Variants in ERBB4 observed in about 807,000 individuals in gnomAD.
ERBB4 encodes receptor tyrosine-protein kinase erbB-4.
In ERBB4, 42 loss-of-function variants were observed where a neutral mutation model predicts 158.0. That is an observed-to-expected ratio of 0.27 (90% confidence interval 0.21 to 0.34). The LOEUF is 0.34. Ranked by LOEUF, ERBB4 falls within the 10% of genes least tolerant of loss-of-function variation. The pLI, the probability that ERBB4 is intolerant of heterozygous loss-of-function variation, is 1.00. For missense variants in ERBB4, 1,333 were observed against 1,624.1 expected (o/e 0.82, Z 3.08); for synonymous variants, 583 against 558.7 (o/e 1.04, Z -0.61).
chr2:211,808,251 T>C (rs1292972209), intron 3 of ERBB4, among the ~76,000 whole-genome samples: 4 of 152,244 alleles, frequency 2.6e-5, no homozygotes. Context: ...AGGGTTTTCA[T>C]GGTTTTAGGT....
At chr2:212,335,828 A>G (rs1389113305) in intron 1 of ERBB4, among the ~76,000 whole-genome samples, 1 of 151,990 alleles carries the variant, frequency 6.6e-6, no homozygotes, top group Non-Finnish European at 1.5e-5. Context: ...TCCTTTCCTA[A>G]TGTGTTCAGG....
chr2:211,861,336 T>G (rs1267751432), intron 3 of ERBB4, among the ~76,000 whole-genome samples: 1 of 73,642 alleles, frequency 1.4e-5, no homozygotes, highest in African/African-American at 5.1e-5. Flanking sequence ...TGTTTTTTTT[T>G]TTGTTTTTTT....
chr2:211,582,089 G>A (rs1416290290), intron 19 of ERBB4, among the ~76,000 whole-genome samples: 1 of 152,056 alleles, frequency 6.6e-6, no homozygotes, highest in Non-Finnish European at 1.5e-5. Flanking sequence ...GGTGACTACA[G>A]GCATGACAAT....
intron 20 of ERBB4, among the ~76,000 whole-genome samples, chr2:211,470,644 C>T (rs2064808185): frequency 6.6e-6 from 1 of 152,150 alleles, no homozygotes; most frequent in African/African-American, 2.4e-5. Flanking sequence ...CTTTGGAAAT[C>T]CCGTAAAACT....
chr2:212,376,060 C>T (rs1486155528), intron 1 of ERBB4, among the ~76,000 whole-genome samples: 1 of 152,026 alleles, frequency 6.6e-6, no homozygotes, highest in East Asian at 1.9e-4. Flanking sequence ...CAATGATTGA[C>T]AGTAGAAACA....
At chr2:212,456,680 T>C (rs990856045) in intron 1 of ERBB4, among the ~76,000 whole-genome samples, 64 of 151,978 alleles carry the variant, frequency 4.2e-4, no homozygotes, top group African/African-American at 1.5e-3. Flanking sequence ...AAAAGTATAG[T>C]GTCATTTATA....
rs2106139983 is a variant in ERBB4 at position 211,878,452 on chromosome 2, A to T, written c.421+68978T>A. On this transcript the variant is annotated intron_variant, in intron 3 of 27. Coordinates refer to ENST00000342788, the MANE Select transcript of ERBB4 (RefSeq NM_005235.3). The stretch of plus-strand genomic sequence containing the variant: ...GTATTTGATTTTAGCATAGTGATGA[A>T]TTTCATAAAAATATGCTGAAAGCAA... Among the ~76,000 whole-genome samples, 5 of 152,306 alleles carry T rather than the reference A, an allele frequency of 3.3e-5. No homozygotes were observed. In the South Asian group the frequency reaches 1.0e-3, roughly 32 times the overall value.
chr2:211,969,772 T>G (rs1182873143), intron 2 of ERBB4, among the ~76,000 whole-genome samples: 2 of 152,048 alleles, frequency 1.3e-5, no homozygotes, highest in Non-Finnish European at 2.9e-5. Flanking sequence ...CTGTGTTTAT[T>G]TGAATTTTCT....
In ERBB4 at chr2:211,950,650, A is replaced by C. The variant is rs997847560; in HGVS notation, c.235-3034T>G. On this transcript the variant is annotated intron_variant, in intron 2 of 27. Coordinates refer to ENST00000342788, the MANE Select transcript of ERBB4 (RefSeq NM_005235.3). ...GAATCCTAATGGAGCAAAAGTGGAG[A>C]GGAATAGGAAAGGGATATATGGAAT... is the stretch of plus-strand genomic sequence containing the variant. Among the ~76,000 whole-genome samples, 14 of 152,236 alleles carry C rather than the reference A, an allele frequency of 9.2e-5. No homozygotes were observed. The South Asian group carries it at 1.2e-3, about 14-fold the overall frequency.
chr2:212,188,641 A>G (rs1490004397), intron 1 of ERBB4, among the ~76,000 whole-genome samples: 1 of 151,908 alleles, frequency 6.6e-6, no homozygotes, highest in Admixed American at 6.6e-5. Context: ...TCTTTGTTCA[A>G]TAGATTTGAA....
intron 25 of ERBB4, among the ~76,000 whole-genome samples, chr2:211,407,793 T>G (rs904868008): frequency 6.6e-6 from 1 of 152,166 alleles, no homozygotes; most frequent in Non-Finnish European, 1.5e-5. Flanking sequence ...AACTTTTCAT[T>G]TGGGCAGGTG....
chr2:211,906,621 CT>C (rs2079400235), intron 3 of ERBB4, among the ~76,000 whole-genome samples: 1 of 148,602 alleles, frequency 6.7e-6, no homozygotes, highest in South Asian at 2.1e-4. Context: ...TGTCATGGGG[CT>C]TTGTTGTACA....
intron 20 of ERBB4, among the ~76,000 whole-genome samples, chr2:211,505,962 A>T (rs2065737390): frequency 6.6e-6 from 1 of 151,020 alleles, no homozygotes; most frequent in South Asian, 2.1e-4. Context: ...TCCATCTCAA[A>T]AAAAAAAAAA....
At chr2:211,827,563 G>GT (rs146453743) in intron 3 of ERBB4, among the ~76,000 whole-genome samples, 7,666 of 148,708 alleles carry the variant, frequency 0.052, 275 homozygotes, top group African/African-American at 0.11. Flanking sequence ...AGACAAAGTG[G>GT]TTTTTTTTTC....
intron 1 of ERBB4, chr2:212,426,253 C>A (rs376979848): frequency 9.1e-5 from 44 of 485,416 alleles, no homozygotes; most frequent in African/African-American, 4.6e-4. Context: ...GCATTTATTT[C>A]CAAATGCACA....
chr2:211,956,887 C>A lies in ERBB4; in HGVS notation c.235-9271G>T, dbSNP rs186085020. Reference sequence around the variant, plus strand: ...TCTTGCTCTGTTGCCCAGGCTGGAGCGCAGTGGTGTGATCACAGCTCACTG... The same window carrying A: ...TCTTGCTCTGTTGCCCAGGCTGGAGAGCAGTGGTGTGATCACAGCTCACTG... On this transcript the variant is annotated intron_variant, in intron 2 of 27. Transcript: ENST00000342788. 2.3e-3 allele frequency among the ~76,000 whole-genome samples: 354 copies of A among 151,972 alleles called. 1 individual carries two copies. The highest frequency in any genetic ancestry group is 8.1e-3 in the African/African-American group (334 of 41,482).
chr2:211,585,898 G>C (rs917090826), intron 19 of ERBB4, among the ~76,000 whole-genome samples: 10 of 152,056 alleles, frequency 6.6e-5, no homozygotes, highest in African/African-American at 2.4e-4. Context: ...AGTAATCTTT[G>C]AAGAAAATAA....
intron 7 of ERBB4, among the ~76,000 whole-genome samples, chr2:211,718,502 T>G (rs1331961100): frequency 1.3e-5 from 2 of 152,186 alleles, no homozygotes; most frequent in Admixed American, 6.5e-5. Flanking sequence ...TCCATATATC[T>G]TATACACATG....
intron 1 of ERBB4, among the ~76,000 whole-genome samples, chr2:212,422,863 T>C (rs2091827348): frequency 6.6e-6 from 1 of 152,172 alleles, no homozygotes. Flanking sequence ...AAATATGTGA[T>C]ATAAAATTGT....
Sources: gnomAD v4.1 joint callset for allele counts (sites outside exome capture counted in the v4.1 genomes callset) on GRCh38, gnomAD v4.1.1 for gene constraint, MANE v1.5 for transcripts, NCBI Gene and HGNC (gene_info 2026-07-23, HGNC 2026-07-21) for gene names.